FAM133B: variants seen among roughly 807,000 people sequenced by gnomAD.
FAM133B encodes the protein protein FAM133B.
In FAM133B, 25 loss-of-function variants were observed where a neutral mutation model predicts 46.4. That is an observed-to-expected ratio of 0.54 (90% CI 0.39 to 0.75). The LOEUF (loss-of-function observed/expected upper bound fraction) is 0.75, where lower values mean the gene tolerates loss of function less well. Among genes scored for constraint, FAM133B ranks in the 30% least tolerant of loss-of-function variants. The pLI, the probability that FAM133B is intolerant of heterozygous loss-of-function variation, is 0.00. For missense variants in FAM133B, 205 were observed against 277.6 expected, an observed-to-expected ratio of 0.74 and a Z score of 1.86; for synonymous variants, 75 against 86.0, an observed-to-expected ratio of 0.87 and a Z score of 0.71.
At chr7:92,563,295 C>CTACATGT (rs1383678060) in intron 10 of FAM133B, among the ~76,000 whole-genome samples, 2 of 152,212 alleles carry the variant, frequency 1.3e-5, no homozygotes, top group African/African-American at 4.8e-5. Flanking sequence ...TCTTTTCTCA[C>CTACATGT]TACATGTTTG....
chr7:92,579,366 T>G lies in FAM133B; in HGVS notation c.152A>C (p.Lys51Thr). 6.2e-7 allele frequency: 1 copy of G among 1,609,720 alleles called. No homozygotes were observed. The highest frequency in any genetic ancestry group is 8.5e-7 in the Non-Finnish European group (1 of 1,178,628). Residue 51 changes from lysine (K) to threonine (T), a missense_variant, in exon 3 of 11, where the codon AAA becomes ACA. Physicochemically the swap from Lys to Thr is moderately conservative, Grantham distance 78. Coordinates refer to ENST00000445716, the MANE Select transcript of FAM133B (RefSeq NM_152789.4). ...AGCCAAAGCCTTGGAGCCTTTCTTT[T>G]TCTTTTCTAGTTGCTCTTTTACTTC... is the stretch of plus-strand genomic sequence containing the variant. The part of the protein sequence containing the change: ...WEEVKEQLEK[K>T]KKGSKALAEF...
intron 10 of FAM133B, 143 bp from the exon 11 acceptor site, chr7:92,562,511 CAACA>C (rs757891002): frequency 3.8e-5 from 46 of 1,196,550 alleles, no homozygotes; most frequent in Non-Finnish European, 5.1e-5. Context: ...CAAAAAGTCT[CAACA>C]ACCAGTATCA....
At chr7:92,573,967 T>C (rs544197572) in intron 8 of FAM133B, among the ~76,000 whole-genome samples, 1 of 152,240 alleles carries the variant, frequency 6.6e-6, no homozygotes, top group African/African-American at 2.4e-5. Context: ...GTCTCCCAAG[T>C]AGCTAGGACT....
chr7:92,585,829 G>A (rs1038349212), intron 1 of FAM133B, among the ~76,000 whole-genome samples: 2 of 151,976 alleles, frequency 1.3e-5, no homozygotes, highest in African/African-American at 4.8e-5. Flanking sequence ...ATGTAACTGC[G>A]TAAACATTAT....
At chr7:92,578,285 A>T (rs1334321461) in intron 4 of FAM133B, 34 bp downstream of exon 4, 1 of 1,609,102 alleles carries the variant, frequency 6.2e-7, no homozygotes, top group East Asian at 2.2e-5. Flanking sequence ...CAACTATGAG[A>T]TTAAGAATAG....
chr7:92,575,452 G>A (rs1794665057), intron 8 of FAM133B, among the ~76,000 whole-genome samples: 1 of 152,086 alleles, frequency 6.6e-6, no homozygotes, highest in Non-Finnish European at 1.5e-5. Flanking sequence ...CAGCCTGGGT[G>A]ACAAAGCGAG....
At chr7:92,584,128 A>C (rs1177906814) in intron 1 of FAM133B, among the ~76,000 whole-genome samples, 1 of 151,200 alleles carries the variant, frequency 6.6e-6, no homozygotes, top group African/African-American at 2.4e-5. Context: ...TGGTGTGATC[A>C]TATCTCACTG....
intron 1 of FAM133B, among the ~76,000 whole-genome samples, chr7:92,588,667 C>T (rs1190636401): frequency 1.3e-5 from 2 of 152,098 alleles, no homozygotes; most frequent in African/African-American, 2.4e-5. Context: ...AATTGTAATC[C>T]CCAATGTTGG....
intron 7 of FAM133B, 64 bp from the exon 8 acceptor site, chr7:92,575,885 A>G: frequency 1.5e-6 from 1 of 674,144 alleles, no homozygotes; most frequent in Non-Finnish European, 2.5e-6. Context: ...GAACAAGGAC[A>G]AAAACACCCA....
intron 1 of FAM133B, among the ~76,000 whole-genome samples, chr7:92,584,908 C>A (rs749988396): frequency 1.3e-5 from 2 of 152,138 alleles, no homozygotes; most frequent in African/African-American, 4.8e-5. Flanking sequence ...CTGGCTCACA[C>A]CTGTAATCTA....
chr7:92,577,011 ACTAT>A (rs1176937613), intron 7 of FAM133B, 88 bp downstream of exon 7: 6 of 670,194 alleles, frequency 9.0e-6, no homozygotes, highest in Non-Finnish European at 1.2e-5. Context: ...CAAATATCAG[ACTAT>A]CTTATTTTTA....
At chr7:92,576,273 G>A (rs1794692512) in intron 7 of FAM133B, among the ~76,000 whole-genome samples, 1 of 152,152 alleles carries the variant, frequency 6.6e-6, no homozygotes, top group Non-Finnish European at 1.5e-5. Context: ...TGAAGTTGTT[G>A]AGATTCAATG....
intron 7 of FAM133B, among the ~76,000 whole-genome samples, chr7:92,576,748 T>C (rs1005951167): frequency 3.3e-5 from 5 of 152,216 alleles, no homozygotes; most frequent in African/African-American, 9.7e-5. Context: ...AGGTACGGTA[T>C]AGTAGAAAGG....
At chr7:92,590,074 G>C (rs1252475713) in intron 1 of FAM133B, 194 bp downstream of exon 1, 2 of 689,634 alleles carry the variant, frequency 2.9e-6, no homozygotes, top group Admixed American at 5.9e-5. Flanking sequence ...GGGCAAGAGA[G>C]AGCTGGGAAC....
chr7:92,578,687 C>A (rs528897885), intron 3 of FAM133B, among the ~76,000 whole-genome samples: 7 of 152,302 alleles, frequency 4.6e-5, no homozygotes, highest in African/African-American at 1.7e-4. Flanking sequence ...GATTCTCCGT[C>A]TAGGCTGTAA....
chr7:92,586,256 A>G (rs1390370436), intron 1 of FAM133B, among the ~76,000 whole-genome samples: 2 of 151,974 alleles, frequency 1.3e-5, no homozygotes, highest in Admixed American at 1.3e-4. Context: ...TCCATTGTTT[A>G]TTTCAATTAT....
chr7:92,573,875 A>C, intron 8 of FAM133B, among the ~76,000 whole-genome samples: 1 of 151,830 alleles, frequency 6.6e-6, no homozygotes, highest in African/African-American at 2.4e-5. Context: ...TTTAAATTAA[A>C]TTTTATTTTT....
chr7:92,582,068 G>A (rs1478188675), intron 1 of FAM133B, among the ~76,000 whole-genome samples: 1 of 152,076 alleles, frequency 6.6e-6, no homozygotes, highest in Non-Finnish European at 1.5e-5. Context: ...GGCCGACGTG[G>A]TGAAACCCTG....
intron 8 of FAM133B, 109 bp downstream of exon 8, chr7:92,575,661 AC>A: frequency 2.0e-6 from 1 of 500,674 alleles, no homozygotes; most frequent in Non-Finnish European, 3.3e-6. Context: ...ACAAAATATT[AC>A]AAAAACAAAA....
Sources: gnomAD v4.1 joint callset for allele counts (sites outside exome capture counted in the v4.1 genomes callset) on GRCh38, gnomAD v4.1.1 for gene constraint, MANE v1.5 for transcripts, NCBI Gene and HGNC (gene_info 2026-07-23, HGNC 2026-07-21) for gene names.